RAPGEF4: variants seen among roughly 807,000 people sequenced by gnomAD.
The protein encoded by RAPGEF4 is Rap guanine nucleotide exchange factor 4.
Under a neutral mutation model 147.9 loss-of-function variants are expected in RAPGEF4, and 66 were observed. That is an observed-to-expected ratio of 0.45 (90% CI 0.37 to 0.55). The LOEUF is 0.55. Among genes scored for constraint, RAPGEF4 ranks in the 20% least tolerant of loss-of-function variants. The probability of loss-of-function intolerance (pLI) is 0.00; values close to 1 mark genes in which losing one functional copy is unlikely to be tolerated. For missense variants in RAPGEF4, 1,071 were observed against 1,257.3 expected (o/e 0.85, Z 2.24); for synonymous variants, 419 against 442.7 (o/e 0.95, Z 0.67).
At chr2:172,937,822 A>C (rs1276753516) in intron 6 of RAPGEF4, among the ~76,000 whole-genome samples, 1 of 152,000 alleles carries the variant, frequency 6.6e-6, no homozygotes, top group Admixed American at 6.6e-5. Context: ...ATCACTATGC[A>C]CTCATGGATA....
At chr2:172,837,643 TAGC>T (rs1228284732) in intron 4 of RAPGEF4, among the ~76,000 whole-genome samples, 2 of 152,194 alleles carry the variant, frequency 1.3e-5, no homozygotes, top group Non-Finnish European at 2.9e-5. Flanking sequence ...GGGGTAATTG[TAGC>T]TCACTGTGGT....
chr2:172,741,030 G>C (rs1194987914), intron 1 of RAPGEF4, among the ~76,000 whole-genome samples: 1 of 152,192 alleles, frequency 6.6e-6, no homozygotes, highest in African/African-American at 2.4e-5. Flanking sequence ...CAAGCTGCCA[G>C]GAGGTCAGGA....
At chr2:172,952,281 A>G (rs1013463653) in intron 6 of RAPGEF4, among the ~76,000 whole-genome samples, 1 of 152,212 alleles carries the variant, frequency 6.6e-6, no homozygotes, top group Non-Finnish European at 1.5e-5. Flanking sequence ...CATGTCTTCA[A>G]AATCTTAACA....
At chr2:172,782,573 A>T (rs1230444131) in intron 1 of RAPGEF4, among the ~76,000 whole-genome samples, 2 of 152,196 alleles carry the variant, frequency 1.3e-5, no homozygotes, top group African/African-American at 4.8e-5. Context: ...TAACAGAGTC[A>T]TCTCAAATTT....
rs182526324 is a variant in RAPGEF4 at position 172,928,093 on chromosome 2, T to A, written c.537+5793T>A. ...TAAATACTCCTTTCATTAGCTGGCC[T>A]ATTAGAAAGCGTAACCCCCGAGCCA... On this transcript the variant is annotated intron_variant, in intron 6 of 30. Transcript: ENST00000397081. 2.5e-3 allele frequency: 1,055 copies of A among 413,930 alleles called. 14 individuals carry two copies. Among genetic ancestry groups the A allele is most frequent in the South Asian group, 6.1e-3 (341 of 55,566 alleles). 25.6% of individuals were successfully genotyped at this position (413,930 alleles called of 1,614,324 possible). A position where few individuals can be genotyped will look rare whatever the true frequency, so the allele number is the denominator to read the frequency against.
intron 1 of RAPGEF4, among the ~76,000 whole-genome samples, chr2:172,750,019 G>A (rs186462076): frequency 1.3e-4 from 20 of 152,164 alleles, no homozygotes; most frequent in African/African-American, 4.8e-4. Context: ...CATCAGCCTG[G>A]ATTTCATTGT....
At chr2:172,759,825 C>T (rs987912897) in intron 1 of RAPGEF4, among the ~76,000 whole-genome samples, 2 of 152,190 alleles carry the variant, frequency 1.3e-5, no homozygotes, top group African/African-American at 4.8e-5. Flanking sequence ...GGAGTGGATT[C>T]AATTCTTCCT....
chr2:172,955,751 G>A (rs1289662205), intron 6 of RAPGEF4, among the ~76,000 whole-genome samples: 4 of 152,122 alleles, frequency 2.6e-5, no homozygotes, highest in South Asian at 2.1e-4. Context: ...GTGCCGTCCC[G>A]CTGTCCTCCT....
intron 4 of RAPGEF4, among the ~76,000 whole-genome samples, chr2:172,856,989 C>T (rs1693485849): frequency 8.1e-6 from 1 of 122,704 alleles, no homozygotes; most frequent in Non-Finnish European, 1.6e-5. Flanking sequence ...GCCTTTATTT[C>T]TGCCTGTTCT....
At chr2:172,941,217 A>G (rs10171443) in intron 6 of RAPGEF4, among the ~76,000 whole-genome samples, 1,705 of 152,246 alleles carry the variant, frequency 0.011, 27 homozygotes, top group African/African-American at 0.037. Context: ...TCGTTGCACA[A>G]GGTAGGACTT....
chr2:172,788,656 A>G (rs1239492988), intron 1 of RAPGEF4, among the ~76,000 whole-genome samples: 1 of 152,082 alleles, frequency 6.6e-6, no homozygotes, highest in Non-Finnish European at 1.5e-5. Context: ...AGACCGAAGC[A>G]GGAGGATTGG....
intron 4 of RAPGEF4, among the ~76,000 whole-genome samples, chr2:172,907,262 A>G (rs1007593916): frequency 2.0e-5 from 3 of 152,048 alleles, no homozygotes; most frequent in African/African-American, 7.2e-5. Context: ...TACATTTGCA[A>G]CTCAATCTGG....
At chr2:172,925,378 A>C (rs1200991667) in intron 6 of RAPGEF4, among the ~76,000 whole-genome samples, 1 of 152,222 alleles carries the variant, frequency 6.6e-6, no homozygotes, top group African/African-American at 2.4e-5. Flanking sequence ...CTTACCTTGC[A>C]CAAAAATAAA....
At chr2:173,001,452 T>A in intron 17 of RAPGEF4, 108 bp downstream of exon 17, 1 of 1,365,154 alleles carries the variant, frequency 7.3e-7, no homozygotes, top group Non-Finnish European at 1.0e-6. Flanking sequence ...CCAGGCAGAG[T>A]TGTGCATTCC....
rs1693734800 is a variant in RAPGEF4 at position 172,736,121 on chromosome 2, C to A, written c.65+73C>A. The A allele has an allele frequency of 8.4e-6, 10 of 1,188,324 alleles. No homozygotes were observed. In the Admixed American group the frequency reaches 1.7e-4, roughly 21 times the overall value. The allele number at this position is 1,188,324 out of a possible 1,614,324, so 73.6% of individuals were successfully genotyped here. On this transcript the variant is annotated intron_variant, in intron 1 of 30. Coordinates refer to ENST00000397081, the MANE Select transcript of RAPGEF4 (RefSeq NM_007023.4). ...CCGGGCCCTGAGACCGCCGCAGCTC[C>A]GCACCTGGGCGCAGCGCGGCCGGGC...
At chr2:172,987,690 A>C (rs1176957447) in intron 12 of RAPGEF4, among the ~76,000 whole-genome samples, 1 of 152,248 alleles carries the variant, frequency 6.6e-6, no homozygotes, top group African/African-American at 2.4e-5. Flanking sequence ...TGTAGACTAT[A>C]TGCAAATACA....
chr2:172,822,077 G>A, intron 4 of RAPGEF4: 3 of 1,409,978 alleles, frequency 2.1e-6, no homozygotes, highest in Non-Finnish European at 3.0e-6. Flanking sequence ...AACATCTCTG[G>A]CTTTTCTAAT....
chr2:172,846,309 C>G (rs1692184169), intron 4 of RAPGEF4, among the ~76,000 whole-genome samples: 1 of 152,182 alleles, frequency 6.6e-6, no homozygotes, highest in Non-Finnish European at 1.5e-5. Context: ...TTAGCCTTTT[C>G]TGGACATTTC....
intron 10 of RAPGEF4, 115 bp downstream of exon 10, chr2:172,967,559 C>G: frequency 9.2e-7 from 1 of 1,088,496 alleles, no homozygotes; most frequent in Non-Finnish European, 1.3e-6. Flanking sequence ...CCCCATGGAA[C>G]AAAAGGGAGC....
Sources: gnomAD v4.1 joint callset for allele counts (sites outside exome capture counted in the v4.1 genomes callset) on GRCh38, gnomAD v4.1.1 for gene constraint, MANE v1.5 for transcripts, NCBI Gene and HGNC (gene_info 2026-07-23, HGNC 2026-07-21) for gene names.